BPTF: variants seen among roughly 807,000 people sequenced by gnomAD.
BPTF encodes nucleosome-remodeling factor subunit BPTF.
A neutral mutation model predicts 292.5 loss-of-function variants in BPTF; 18 were observed. The observed-to-expected ratio is 0.06, with a 90% CI of 0.04 to 0.09. The LOEUF (loss-of-function observed/expected upper bound fraction) is 0.09, where lower values mean the gene tolerates loss of function less well. BPTF is among the 10% of genes least tolerant of loss of function. The pLI is 1.00. For synonymous variants in BPTF, 1,225 were observed against 1,251.9 expected (o/e 0.98, Z 0.45); for missense variants, 2,726 against 3,498.7 (o/e 0.78, Z 5.57).
At chr17:67,918,594 A>G (rs2147131131) in intron 11 of BPTF, 120 bp from the exon 12 acceptor site, 5 of 863,398 alleles carry the variant, frequency 5.8e-6, no homozygotes, top group Non-Finnish European at 8.4e-6. Context: ...CATATTATAA[A>G]TACTGGAGTC....
In BPTF at chr17:67,911,902, G is replaced by A. The variant is rs1294484033; in HGVS notation, c.4018G>A (p.Glu1340Lys). Reference sequence around the variant, plus strand: ...GTTAAAGTGTGAGTTGGTTTCTGGTGAGTCCACTGGAAACTGTGAGGACAG... The same window carrying A: ...GTTAAAGTGTGAGTTGGTTTCTGGTAAGTCCACTGGAAACTGTGAGGACAG... The part of the protein sequence containing the change: ...EPLKCELVSG[E>K]STGNCEDRLP... The change falls in exon 11 of 28, where the codon GAG (glutamate) becomes AAG (lysine). Residue 1340 changes from glutamate (E) to lysine (K), a missense_variant. Around this residue, in one of 22 missense-constraint regions of BPTF, gnomAD observed 713 missense variants for 714.9 expected, o/e 1.00. Transcript: ENST00000306378. The A allele has an allele frequency of 6.2e-7, 1 of 1,613,846 alleles. No individual in the cohort carries two copies. The highest frequency in any genetic ancestry group is 1.3e-5 in the African/African-American group (1 of 74,912).
chr17:67,918,534 T>G (rs9896792), intron 11 of BPTF, among the ~76,000 whole-genome samples, 180 bp from the exon 12 acceptor site: 1 of 152,110 alleles, frequency 6.6e-6, no homozygotes, highest in Admixed American at 6.5e-5. Flanking sequence ...TGCCTATGAA[T>G]GAAGAAGTTT....
intron 4 of BPTF, among the ~76,000 whole-genome samples, chr17:67,878,692 G>A (rs1339482403): frequency 1.3e-5 from 2 of 152,104 alleles, no homozygotes; most frequent in African/African-American, 4.8e-5. Context: ...GTGTGTGTGT[G>A]TGTGTGTGTG....
intron 1 of BPTF, among the ~76,000 whole-genome samples, chr17:67,826,854 G>C (rs1196384050): frequency 1.3e-5 from 2 of 152,150 alleles, no homozygotes; most frequent in East Asian, 3.9e-4. Context: ...ACAAAAAAAT[G>C]CGTTTTCACA....
chr17:67,917,286 C>T (rs2063102968), intron 11 of BPTF, among the ~76,000 whole-genome samples: 2 of 151,844 alleles, frequency 1.3e-5, no homozygotes, highest in Admixed American at 1.3e-4. Context: ...GCGCCCGCCA[C>T]CATACCCAGC....
At chr17:67,891,565 C>G (rs375425842) in intron 4 of BPTF, 34 of 258,134 alleles carry the variant, frequency 1.3e-4, no homozygotes, top group South Asian at 6.8e-4. Context: ...TTTGTAGCAG[C>G]TCTTCCTGTT....
intron 15 of BPTF, among the ~76,000 whole-genome samples, chr17:67,927,395 A>G (rs1236216205): frequency 2.0e-5 from 3 of 152,236 alleles, no homozygotes; most frequent in African/African-American, 7.2e-5. Flanking sequence ...TATCTTTAAT[A>G]CCTGTAGTTT....
intron 26 of BPTF, among the ~76,000 whole-genome samples, chr17:67,966,895 A>G (rs2068159275): frequency 6.6e-6 from 1 of 151,766 alleles, no homozygotes. Flanking sequence ...AGGTCAGGAG[A>G]TCGAGACTAT....
At chr17:67,826,890 G>C (rs1380210407) in intron 1 of BPTF, among the ~76,000 whole-genome samples, 2 of 152,152 alleles carry the variant, frequency 1.3e-5, no homozygotes, top group African/African-American at 4.8e-5. Flanking sequence ...TTAAAATTGT[G>C]TTAAGGAAAC....
At chr17:67,827,076 T>C (rs2056140635) in intron 1 of BPTF, among the ~76,000 whole-genome samples, 1 of 152,192 alleles carries the variant, frequency 6.6e-6, no homozygotes, top group African/African-American at 2.4e-5. Context: ...ATTATTTTGG[T>C]TAAATCAAAA....
intron 4 of BPTF, among the ~76,000 whole-genome samples, chr17:67,884,686 G>A (rs956880720): frequency 2.0e-5 from 3 of 152,136 alleles, no homozygotes; most frequent in Admixed American, 6.6e-5. Context: ...AAATTGCTGG[G>A]ATTACAGGTG....
rs1555675376 is a variant in BPTF, at chr17:67,946,209, T to C, written c.7501T>C (p.Leu2501=). The part of the protein sequence containing the change: ...TVQAASVQEQ[L]QRVQQLRDQQ... ...GCAGGCAGCCAGTGTGCAAGAGCAGTTGCAAAGGGTTCAGCAACTCAGGGA... is the reference window on the plus strand; with the variant it reads ...GCAGGCAGCCAGTGTGCAAGAGCAGCTGCAAAGGGTTCAGCAACTCAGGGA... The change falls in exon 21 of 28, where the codon TTG becomes CTG. Residue 2501 remains leucine, a synonymous_variant. Transcript: ENST00000306378. The C allele has an allele frequency of 6.2e-7, 1 of 1,614,184 alleles. No individual in the cohort carries two copies. Among genetic ancestry groups the C allele is most frequent in the South Asian group, 1.1e-5 (1 of 91,080 alleles).
In BPTF at chr17:67,870,261, C is replaced by CT. The variant is rs374215070; in HGVS notation, c.1660+3589dup. Among the ~76,000 whole-genome samples the CT allele has an allele frequency of 8.2e-3, 1,090 of 133,526 alleles. 7 individuals carry two copies. Among genetic ancestry groups the CT allele is most frequent in the Middle Eastern group, 0.026 (7 of 272 alleles). 87.6% of individuals were successfully genotyped at this position (133,526 alleles called of 152,430 possible). ...ACATAAATATTTTTTTCTTTCTTTC[C>CT]TTTTTTTTTTTTTTTCGGCTAAGGT... On this transcript the variant is annotated intron_variant, in intron 3 of 27. Coordinates refer to ENST00000306378, the MANE Select transcript of BPTF (RefSeq NM_182641.4).
chr17:67,916,040 A>G (rs1434731272), intron 11 of BPTF, among the ~76,000 whole-genome samples: 1 of 152,112 alleles, frequency 6.6e-6, no homozygotes, highest in Non-Finnish European at 1.5e-5. Context: ...CTGTGACACT[A>G]AAGATCTCTA....
chr17:67,922,951 A>G lies in BPTF; in HGVS notation c.5669A>G (p.Glu1890Gly), dbSNP rs2063555824. 1.2e-6 allele frequency: 2 copies of G among 1,613,996 alleles called. No individual in the cohort carries two copies. The highest frequency in any genetic ancestry group is 1.7e-6 in the Non-Finnish European group (2 of 1,180,022). The change falls in exon 14 of 28, where the codon GAA becomes GGA. Residue 1890 changes from glutamate (E) to glycine (G), a missense_variant. Around this residue, in one of 22 missense-constraint regions of BPTF, gnomAD observed 198 missense variants for 277.1 expected, o/e 0.71. Transcript: ENST00000306378. ...PVIIETWVAEEELELWEIRAF... is the reference protein window; with the variant it reads ...PVIIETWVAEGELELWEIRAF... ...ATTATTGAAACCTGGGTAGCAGAAGAAGAACTGGAATTGTGGGAGATCAGG... is the reference window on the plus strand; with the variant it reads ...ATTATTGAAACCTGGGTAGCAGAAGGAGAACTGGAATTGTGGGAGATCAGG...
intron 14 of BPTF, among the ~76,000 whole-genome samples, chr17:67,923,758 G>A (rs1328680528): frequency 6.6e-6 from 1 of 152,186 alleles, no homozygotes; most frequent in East Asian, 1.9e-4. Context: ...GGGATTACAA[G>A]TGTGAGCCAC....
chr17:67,936,427 G>A (rs2064920218), intron 18 of BPTF, among the ~76,000 whole-genome samples: 1 of 152,310 alleles, frequency 6.6e-6, no homozygotes. Flanking sequence ...AAAACTGACA[G>A]TTGTGGTAAA....
Position 67,905,723 on chromosome 17 carries a change from C to G in BPTF, c.2812+883C>G, listed in dbSNP as rs550420842. 3.3e-5 allele frequency among the ~76,000 whole-genome samples: 5 copies of G among 151,722 alleles called. No individual in the cohort carries two copies. In the East Asian group the frequency reaches 9.7e-4, roughly 29 times the overall value. On this transcript the variant is annotated intron_variant, in intron 9 of 27. Coordinates refer to ENST00000306378, the MANE Select transcript of BPTF (RefSeq NM_182641.4). ...GACTCAATCTCTTAAAAAAAAAAAT[C>G]TTAATTCAGTACTAATTCACTGAGG...
intron 13 of BPTF, among the ~76,000 whole-genome samples, chr17:67,921,608 C>T (rs1230599990): frequency 1.3e-5 from 2 of 152,132 alleles, no homozygotes; most frequent in African/African-American, 4.8e-5. Context: ...AGTTAGTTCT[C>T]CCCAAATGTA....
Sources: gnomAD v4.1 joint callset for allele counts (sites outside exome capture counted in the v4.1 genomes callset) on GRCh38, gnomAD v4.1.1 for gene constraint, gnomAD v4.1.1 regional missense constraint, MANE v1.5 for transcripts, NCBI Gene and HGNC (gene_info 2026-07-23, HGNC 2026-07-21) for gene names.